FBXW8: variants seen among roughly 807,000 people sequenced by gnomAD.
The protein encoded by FBXW8 is F-box and WD repeat domain containing 8.
A neutral mutation model predicts 65.3 loss-of-function variants in FBXW8; 57 were observed. That is an observed-to-expected ratio of 0.87 (90% CI 0.71 to 1.09). The LOEUF (loss-of-function observed/expected upper bound fraction) is 1.09, where lower values mean the gene tolerates loss of function less well. Among genes scored for constraint, FBXW8 ranks in the 50% least tolerant of loss-of-function variants. The pLI is 0.00. For missense variants in FBXW8, 777 were observed against 814.8 expected (o/e 0.95, Z 0.57); for synonymous variants, 308 against 330.2 (o/e 0.93, Z 0.73).
At chr12:117,015,332 T>C (rs1426987019) in intron 8 of FBXW8, among the ~76,000 whole-genome samples, 1 of 152,118 alleles carries the variant, frequency 6.6e-6, no homozygotes, top group African/African-American at 2.4e-5. Flanking sequence ...GTTTTGTCCA[T>C]AGGTTTTGCT....
chr12:116,926,960 C>T (rs888989240), intron 1 of FBXW8, among the ~76,000 whole-genome samples: 10 of 152,004 alleles, frequency 6.6e-5, no homozygotes, highest in African/African-American at 2.4e-4. Flanking sequence ...TGTTTTGAGA[C>T]AGCAGCCTTG....
intron 4 of FBXW8, among the ~76,000 whole-genome samples, chr12:116,955,048 GC>G (rs371974524): frequency 1.9e-3 from 278 of 146,862 alleles, no homozygotes; most frequent in African/African-American, 6.3e-3. Flanking sequence ...GGGGGGGGGG[GC>G]CCTGTATTAA....
intron 9 of FBXW8, among the ~76,000 whole-genome samples, chr12:117,026,641 T>G (rs1242661293): frequency 2.0e-5 from 3 of 151,850 alleles, no homozygotes. Flanking sequence ...CTCCCAGCAC[T>G]TAACTCTGGG....
At chr12:116,941,759 CCTT>C (rs1367191555) in intron 2 of FBXW8, among the ~76,000 whole-genome samples, 1 of 151,986 alleles carries the variant, frequency 6.6e-6, no homozygotes, top group Non-Finnish European at 1.5e-5. Flanking sequence ...TTCATCACTG[CCTT>C]CTTTTGTGTT....
chr12:116,964,974 T>A, intron 5 of FBXW8, 120 bp downstream of exon 5: 1 of 970,294 alleles, frequency 1.0e-6, no homozygotes, highest in Non-Finnish European at 1.5e-6. Context: ...CACACACATG[T>A]TCACACACAT....
chr12:116,948,346 C>T (rs1188331144), intron 3 of FBXW8, among the ~76,000 whole-genome samples: 1 of 152,194 alleles, frequency 6.6e-6, no homozygotes, highest in East Asian at 1.9e-4. Flanking sequence ...TGCCTTCCCT[C>T]CCCATATCTC....
chr12:117,013,995 A>G (rs888969931), intron 8 of FBXW8, among the ~76,000 whole-genome samples: 2 of 151,956 alleles, frequency 1.3e-5, no homozygotes, highest in Non-Finnish European at 2.9e-5. Flanking sequence ...GTTTCCTGCC[A>G]TTATTTCCTC....
chr12:117,009,049 T>C (rs1953743762), intron 7 of FBXW8, among the ~76,000 whole-genome samples: 2 of 148,790 alleles, frequency 1.3e-5, no homozygotes, highest in South Asian at 4.3e-4. Flanking sequence ...GCCTGGGCGA[T>C]AGAGTGAGAC....
chr12:117,012,769 T>C (rs1008924441), intron 8 of FBXW8, among the ~76,000 whole-genome samples: 5 of 152,228 alleles, frequency 3.3e-5, no homozygotes, highest in Non-Finnish European at 5.9e-5. Context: ...AGAACCTTCC[T>C]ATTTTAAAAA....
chr12:116,997,178 C>G (rs1953397641), intron 7 of FBXW8, among the ~76,000 whole-genome samples: 1 of 152,198 alleles, frequency 6.6e-6, no homozygotes, highest in African/African-American at 2.4e-5. Flanking sequence ...TAGAGTTTCT[C>G]AAGACAGAGC....
At chr12:116,933,129 T>C (rs1881902166) in intron 2 of FBXW8, among the ~76,000 whole-genome samples, 1 of 152,230 alleles carries the variant, frequency 6.6e-6, no homozygotes, top group South Asian at 2.1e-4. Flanking sequence ...TGTTATATTC[T>C]AACTTTACAC....
At chr12:117,024,412 C>A (rs1358040708) in intron 9 of FBXW8, 92 bp downstream of exon 9, 6 of 1,462,824 alleles carry the variant, frequency 4.1e-6, no homozygotes, top group Non-Finnish European at 5.6e-6. Flanking sequence ...GCTAAATGCC[C>A]CCTACCCCCC....
At chr12:117,022,668 TAAAC>T (rs998994915) in intron 8 of FBXW8, among the ~76,000 whole-genome samples, 5 of 152,192 alleles carry the variant, frequency 3.3e-5, no homozygotes, top group African/African-American at 4.8e-5. Context: ...AAAAAAATAA[TAAAC>T]AACAAAACCT....
intron 6 of FBXW8, among the ~76,000 whole-genome samples, chr12:116,987,670 A>G (rs1885819520): frequency 6.6e-6 from 1 of 152,158 alleles, no homozygotes; most frequent in South Asian, 2.1e-4. Context: ...TTGGAGCTGA[A>G]TGTTATTTAT....
chr12:116,931,956 A>C (rs1336222583), intron 2 of FBXW8, among the ~76,000 whole-genome samples: 1 of 152,126 alleles, frequency 6.6e-6, no homozygotes, highest in Admixed American at 6.5e-5. Context: ...CTTTTTACTA[A>C]GTATGACTTT....
chr12:116,942,706 G>A (rs1882679240), intron 2 of FBXW8, among the ~76,000 whole-genome samples: 2 of 147,472 alleles, frequency 1.4e-5, no homozygotes, highest in South Asian at 2.1e-4. Flanking sequence ...GCTCAAACTT[G>A]TTGTTGAGCG....
At chr12:116,957,049 C>A (rs56387241) in intron 4 of FBXW8, among the ~76,000 whole-genome samples, 3,588 of 151,632 alleles carry the variant, frequency 0.024, 122 homozygotes, top group African/African-American at 0.079. Flanking sequence ...CCAGTAATTA[C>A]AAATGTACCT....
chr12:116,956,394 A>C (rs911180895), intron 4 of FBXW8, among the ~76,000 whole-genome samples: 4 of 152,096 alleles, frequency 2.6e-5, no homozygotes, highest in African/African-American at 9.7e-5. Flanking sequence ...ACAAAACAAA[A>C]CTGCCCATAC....
At chr12:116,990,458 G>C (rs1953212930) in intron 7 of FBXW8, among the ~76,000 whole-genome samples, 1 of 151,778 alleles carries the variant, frequency 6.6e-6, no homozygotes, top group Non-Finnish European at 1.5e-5. Context: ...TCCCATCCCT[G>C]GTGAGCTCAT....
Sources: allele counts gnomAD v4.1 joint callset (sites outside exome capture counted in the v4.1 genomes callset), GRCh38; gene constraint gnomAD v4.1.1; transcripts MANE v1.5; gene names NCBI Gene and HGNC (gene_info 2026-07-23, HGNC 2026-07-21).